PPP2R2B: variants seen among roughly 807,000 people sequenced by gnomAD.
PPP2R2B encodes protein phosphatase 2 regulatory subunit Bbeta, also known as serine/threonine-protein phosphatase 2A 55 kDa regulatory subunit B beta isoform.
Under a neutral mutation model 46.0 loss-of-function variants are expected in PPP2R2B, and 5 were observed. The observed-to-expected ratio is 0.11, with a 90% CI of 0.06 to 0.23. The LOEUF (loss-of-function observed/expected upper bound fraction) is 0.23. Among genes scored for constraint, PPP2R2B ranks in the 10% least tolerant of loss-of-function variants. The pLI is 1.00. For missense variants in PPP2R2B, 367 were observed against 575.0 expected (o/e 0.64, Z 3.70); for synonymous variants, 215 against 206.7 (o/e 1.04, Z -0.34).
intron 3 of PPP2R2B, among the ~76,000 whole-genome samples, chr5:146,700,836 A>G (rs536981643): frequency 6.6e-6 from 1 of 152,194 alleles, no homozygotes; most frequent in Non-Finnish European, 1.5e-5. Context: ...CCAGGCGTAG[A>G]AAGATAAGGC....
chr5:146,734,207 C>A lies in PPP2R2B; in HGVS notation c.71-33065G>T, dbSNP rs185375911. ...AGTAGCTGGGACTACAGATGCACAC[C>A]ACCATACCTGGCTAATGTTTTTATT... On this transcript the variant is annotated intron_variant, in intron 2 of 9. Transcript: ENST00000394411. Among the ~76,000 whole-genome samples the A allele has an allele frequency of 2.9e-3, 448 of 152,052 alleles. 6 individuals carry two copies. Among genetic ancestry groups the A allele is most frequent in the African/African-American group, 9.5e-3 (396 of 41,472 alleles).
At chr5:146,654,674 G>A (rs1184426174) in intron 5 of PPP2R2B, among the ~76,000 whole-genome samples, 1 of 152,124 alleles carries the variant, frequency 6.6e-6, no homozygotes, top group Admixed American at 6.6e-5. Flanking sequence ...CTATTTCTGT[G>A]GATAAGCAAA....
chr5:146,843,883 T>C (rs6882994), intron 2 of PPP2R2B, among the ~76,000 whole-genome samples: 38,830 of 150,088 alleles, frequency 0.26, 5,864 homozygotes, highest in African/African-American at 0.41. Flanking sequence ...CAAGTCTTTG[T>C]TATTGTGAAT....
chr5:146,604,252 T>G (rs570467517), intron 7 of PPP2R2B, among the ~76,000 whole-genome samples: 1 of 152,196 alleles, frequency 6.6e-6, no homozygotes, highest in African/African-American at 2.4e-5. Flanking sequence ...GGAACACCAG[T>G]GTGTGTTCCA....
intron 1 of PPP2R2B, among the ~76,000 whole-genome samples, chr5:147,045,716 A>G (rs760144781): frequency 2.0e-5 from 3 of 152,088 alleles, no homozygotes; most frequent in African/African-American, 4.8e-5. Flanking sequence ...GAAACTTTGT[A>G]ATTTATGTTA....
intron 1 of PPP2R2B, among the ~76,000 whole-genome samples, chr5:146,901,974 C>G (rs896664097): frequency 3.3e-5 from 5 of 152,052 alleles, no homozygotes; most frequent in Non-Finnish European, 5.9e-5. Context: ...ATTCACGGGG[C>G]CTGTAGGCTA....
intron 1 of PPP2R2B, among the ~76,000 whole-genome samples, chr5:147,046,478 C>G (rs1357495508): frequency 6.6e-6 from 1 of 152,164 alleles, no homozygotes; most frequent in South Asian, 2.1e-4. Context: ...AACTAATGAG[C>G]CAGTCCCTCT....
At chr5:146,778,752 T>C (rs1344174310) in intron 2 of PPP2R2B, among the ~76,000 whole-genome samples, 1 of 152,214 alleles carries the variant, frequency 6.6e-6, no homozygotes, top group African/African-American at 2.4e-5. Flanking sequence ...TCAGAATACA[T>C]AACTGGGCCA....
At chr5:147,026,296 C>T (rs142918973) in intron 1 of PPP2R2B, among the ~76,000 whole-genome samples, 4 of 152,128 alleles carry the variant, frequency 2.6e-5, no homozygotes, top group East Asian at 3.9e-4. Context: ...ATAAAAAGAT[C>T]GAACTATTGC....
chr5:146,608,221 C>T (rs1005944234), intron 7 of PPP2R2B, among the ~76,000 whole-genome samples: 2 of 151,956 alleles, frequency 1.3e-5, no homozygotes, highest in East Asian at 3.9e-4. Flanking sequence ...GACAGTGGGC[C>T]CCTAGGACTG....
At chr5:147,016,926 A>G (rs1359484987) in intron 1 of PPP2R2B, among the ~76,000 whole-genome samples, 1 of 151,670 alleles carries the variant, frequency 6.6e-6, no homozygotes, top group South Asian at 2.1e-4. Flanking sequence ...GCCAAGTTAC[A>G]GAATATCCTA....
At chr5:146,969,536 C>T (rs1265424933) in intron 1 of PPP2R2B, among the ~76,000 whole-genome samples, 1 of 152,122 alleles carries the variant, frequency 6.6e-6, no homozygotes, top group Non-Finnish European at 1.5e-5. Flanking sequence ...ATCATTCCGC[C>T]TGTGGTATAG....
intron 1 of PPP2R2B, among the ~76,000 whole-genome samples, chr5:147,040,469 C>T (rs1756239919): frequency 6.6e-6 from 1 of 152,036 alleles, no homozygotes; most frequent in Admixed American, 6.5e-5. Flanking sequence ...AAAGCTTAGC[C>T]CAGGTCAGTT....
At chr5:146,789,686 G>T (rs967499854) in intron 2 of PPP2R2B, among the ~76,000 whole-genome samples, 2 of 152,058 alleles carry the variant, frequency 1.3e-5, no homozygotes, top group Admixed American at 6.6e-5. Context: ...AGTGATGGGG[G>T]CTCTGAAGGG....
At chr5:146,700,226 G>A (rs566865689) in intron 3 of PPP2R2B, among the ~76,000 whole-genome samples, 3 of 152,112 alleles carry the variant, frequency 2.0e-5, no homozygotes, top group South Asian at 2.1e-4. Flanking sequence ...CCGAGTGCCC[G>A]GTGAATCTCA....
intron 1 of PPP2R2B, among the ~76,000 whole-genome samples, chr5:146,985,146 G>A (rs1036220655): frequency 1.3e-5 from 2 of 149,296 alleles, no homozygotes; most frequent in Non-Finnish European, 3.0e-5. Flanking sequence ...TCAGCCTCCT[G>A]AATAGCTGGG....
intron 2 of PPP2R2B, among the ~76,000 whole-genome samples, chr5:147,078,240 G>C (rs1055961445): frequency 6.6e-6 from 1 of 152,132 alleles, no homozygotes; most frequent in Non-Finnish European, 1.5e-5. Context: ...TACTTACAAA[G>C]TATTGAGCAC....
chr5:146,671,586 G>A (rs763697503), intron 5 of PPP2R2B, among the ~76,000 whole-genome samples: 4 of 152,280 alleles, frequency 2.6e-5, no homozygotes, highest in Non-Finnish European at 5.9e-5. Context: ...CAAACACATT[G>A]TGTAATTTAT....
chr5:146,885,260 A>T (rs1247943253), intron 1 of PPP2R2B, among the ~76,000 whole-genome samples: 1 of 152,188 alleles, frequency 6.6e-6, no homozygotes, highest in Non-Finnish European at 1.5e-5. Context: ...AGTCAGATAG[A>T]TGAGAGCCTG....
Sources: allele counts gnomAD v4.1 joint callset (sites outside exome capture counted in the v4.1 genomes callset), GRCh38; gene constraint gnomAD v4.1.1; transcripts MANE v1.5; gene names NCBI Gene and HGNC (gene_info 2026-07-23, HGNC 2026-07-21).